KLHL1: variants seen among roughly 807,000 people sequenced by gnomAD.
The protein encoded by KLHL1 is kelch-like protein 1.
Under a neutral mutation model 77.7 loss-of-function variants are expected in KLHL1, and 47 were observed. The observed-to-expected ratio is 0.60, with a 90% CI of 0.48 to 0.77. The LOEUF is 0.77. Among genes scored for constraint, KLHL1 ranks in the 30% least tolerant of loss-of-function variants. The pLI is 0.00. For missense variants in KLHL1, 925 were observed against 910.8 expected, an observed-to-expected ratio of 1.02 and a Z score of -0.20; for synonymous variants, 360 against 325.2, an observed-to-expected ratio of 1.11 and a Z score of -1.15.
chr13:69,729,628 A>T (rs1873454362), intron 8 of KLHL1, among the ~76,000 whole-genome samples: 1 of 152,112 alleles, frequency 6.6e-6, no homozygotes, highest in Non-Finnish European at 1.5e-5. Context: ...TTTTCTAATG[A>T]TTATGTTTCT....
chr13:70,055,873 C>T (rs1403926036), intron 1 of KLHL1, among the ~76,000 whole-genome samples: 1 of 151,826 alleles, frequency 6.6e-6, no homozygotes, highest in Non-Finnish European at 1.5e-5. Flanking sequence ...ATAAAAATCA[C>T]TTTCAGAAAA....
intron 1 of KLHL1, among the ~76,000 whole-genome samples, chr13:70,047,678 T>C (rs941450664): frequency 1.3e-5 from 2 of 152,200 alleles, no homozygotes; most frequent in Non-Finnish European, 2.9e-5. Flanking sequence ...TGCTTTAAAC[T>C]CGCAGCTAAA....
intron 1 of KLHL1, among the ~76,000 whole-genome samples, chr13:70,100,099 G>A (rs1012065454): frequency 6.6e-6 from 1 of 151,920 alleles, no homozygotes; most frequent in Admixed American, 6.6e-5. Flanking sequence ...ATTTTCTTCA[G>A]TGATATGTTC....
intron 5 of KLHL1, among the ~76,000 whole-genome samples, chr13:69,847,260 A>T (rs1232310217): frequency 6.6e-6 from 1 of 151,470 alleles, no homozygotes; most frequent in Non-Finnish European, 1.5e-5. Flanking sequence ...TTTACATTAT[A>T]AAAACTTGTA....
chr13:69,996,579 A>G (rs1885158021), intron 1 of KLHL1, among the ~76,000 whole-genome samples: 1 of 152,134 alleles, frequency 6.6e-6, no homozygotes, highest in Non-Finnish European at 1.5e-5. Flanking sequence ...TATTAGGGGA[A>G]TCTAAACTTG....
intron 3 of KLHL1, among the ~76,000 whole-genome samples, chr13:69,954,500 A>G (rs1883807408): frequency 6.6e-6 from 1 of 151,274 alleles, no homozygotes; most frequent in Non-Finnish European, 1.5e-5. Context: ...AAATCCAAAC[A>G]GATTGTTTAA....
intron 5 of KLHL1, among the ~76,000 whole-genome samples, chr13:69,855,872 TTA>T (rs1390709664): frequency 1.2e-4 from 18 of 146,574 alleles, no homozygotes; most frequent in South Asian, 4.2e-4. Flanking sequence ...ATATTATATA[TTA>T]TATATGTTAT....
intron 7 of KLHL1, among the ~76,000 whole-genome samples, chr13:69,741,897 T>G (rs926824357): frequency 2.0e-5 from 3 of 152,136 alleles, no homozygotes; most frequent in Non-Finnish European, 4.4e-5. Flanking sequence ...GTTGGTACCT[T>G]GCTGCAAGCT....
intron 2 of KLHL1, among the ~76,000 whole-genome samples, chr13:69,965,945 T>G (rs1447299589): frequency 1.3e-5 from 2 of 152,140 alleles, no homozygotes; most frequent in African/African-American, 4.8e-5. Flanking sequence ...TGGCAGAAGT[T>G]AGTTTATGAA....
chr13:69,796,549 C>A (rs558477453), intron 7 of KLHL1, among the ~76,000 whole-genome samples, 189 bp downstream of exon 7: 18 of 152,250 alleles, frequency 1.2e-4, no homozygotes, highest in African/African-American at 4.3e-4. Context: ...GAAACTTTCA[C>A]TAAAGGCCTA....
At chr13:70,017,981 A>G (rs939624497) in intron 1 of KLHL1, among the ~76,000 whole-genome samples, 32 of 152,148 alleles carry the variant, frequency 2.1e-4, no homozygotes, top group African/African-American at 4.6e-4. Flanking sequence ...CTAATCTCCA[A>G]TTAAAGTTCT....
chr13:70,029,714 G>T (rs1886047601), intron 1 of KLHL1, among the ~76,000 whole-genome samples: 1 of 152,144 alleles, frequency 6.6e-6, no homozygotes, highest in South Asian at 2.1e-4. Flanking sequence ...AAAATAACCA[G>T]CTAACATCAT....
At chr13:69,967,359 G>T (rs1387599805) in intron 2 of KLHL1, among the ~76,000 whole-genome samples, 1 of 152,218 alleles carries the variant, frequency 6.6e-6, no homozygotes, top group Non-Finnish European at 1.5e-5. Flanking sequence ...TGACTTTGAA[G>T]GGTTTAAGAC....
chr13:69,791,665 C>A (rs941008503), intron 7 of KLHL1, among the ~76,000 whole-genome samples: 2 of 151,864 alleles, frequency 1.3e-5, no homozygotes, highest in Non-Finnish European at 2.9e-5. Flanking sequence ...GACAAGGGTG[C>A]CAAGAATTCA....
chr13:70,079,429 A>G (rs1347098413), intron 1 of KLHL1, among the ~76,000 whole-genome samples: 1 of 152,034 alleles, frequency 6.6e-6, no homozygotes, highest in Admixed American at 6.6e-5. Flanking sequence ...AAGATATACA[A>G]CTCACTAAAT....
chr13:69,976,763 C>T (rs966615815), intron 1 of KLHL1, among the ~76,000 whole-genome samples: 2 of 151,968 alleles, frequency 1.3e-5, no homozygotes, highest in Non-Finnish European at 2.9e-5. Flanking sequence ...CCACGAAAAC[C>T]ACAAAAAAGT....
chr13:69,948,906 TATC>T (rs1488280478), intron 3 of KLHL1, among the ~76,000 whole-genome samples: 10 of 152,040 alleles, frequency 6.6e-5, no homozygotes, highest in East Asian at 1.9e-4. Flanking sequence ...AAATTTTATC[TATC>T]ATCATTCTGT....
At chr13:70,004,705 T>A (rs1240610057) in intron 1 of KLHL1, among the ~76,000 whole-genome samples, 3 of 151,920 alleles carry the variant, frequency 2.0e-5, no homozygotes, top group Non-Finnish European at 4.4e-5. Flanking sequence ...AAATACTTTT[T>A]TAAAATGTTG....
chr13:69,933,049 T>C (rs1311449321), intron 4 of KLHL1, among the ~76,000 whole-genome samples: 1 of 152,002 alleles, frequency 6.6e-6, no homozygotes. Flanking sequence ...ACATTTTTAC[T>C]TAGTTCTTTT....
Sources: allele counts gnomAD v4.1 joint callset (sites outside exome capture counted in the v4.1 genomes callset), GRCh38; gene constraint gnomAD v4.1.1; transcripts MANE v1.5; gene names NCBI Gene and HGNC (gene_info 2026-07-23, HGNC 2026-07-21).